The following TMOD1 variants were observed in gnomAD, a reference collection of about 807,000 sequenced individuals.
TMOD1 encodes the protein tropomodulin-1.
Under a neutral mutation model 40.6 loss-of-function variants are expected in TMOD1, and 17 were observed. The observed-to-expected ratio is 0.42, with a 90% CI of 0.29 to 0.63. The LOEUF is 0.63. TMOD1 is among the 20% of genes least tolerant of loss of function. TMOD1 has a pLI of 0.22. For missense variants in TMOD1, 391 were observed against 447.6 expected (o/e 0.87, Z 1.14); for synonymous variants, 181 against 175.0 (o/e 1.03, Z -0.27).
chr9:97,547,498 T>C (rs1432341827), intron 3 of TMOD1, among the ~76,000 whole-genome samples: 4 of 152,236 alleles, frequency 2.6e-5, no homozygotes, highest in African/African-American at 9.6e-5. Context: ...TTTCCTTCTC[T>C]GTAAAACAGG....
chr9:97,592,234 T>C (rs78388774), intron 9 of TMOD1, among the ~76,000 whole-genome samples: 532 of 152,054 alleles, frequency 3.5e-3, no homozygotes, highest in African/African-American at 0.012. Flanking sequence ...TGATATAGCA[T>C]TCAACAAAGG....
At chr9:97,588,574 C>G (rs1025229646) in intron 8 of TMOD1, among the ~76,000 whole-genome samples, 13 of 152,142 alleles carry the variant, frequency 8.5e-5, no homozygotes, top group African/African-American at 2.9e-4. Context: ...TGTTGAAGCA[C>G]AAAAGTTTTA....
intron 1 of TMOD1, among the ~76,000 whole-genome samples, chr9:97,504,225 A>G (rs1829552799): frequency 6.6e-6 from 1 of 152,226 alleles, no homozygotes; most frequent in Non-Finnish European, 1.5e-5. Flanking sequence ...ATTCAGGGCA[A>G]GCCCTCAGCC....
chr9:97,541,759 A>G (rs1830279301), intron 2 of TMOD1, among the ~76,000 whole-genome samples: 1 of 151,982 alleles, frequency 6.6e-6, no homozygotes. Context: ...CAGGTGACCC[A>G]CCCACCTTGG....
intron 1 of TMOD1, among the ~76,000 whole-genome samples, chr9:97,509,374 T>G (rs1476913833): frequency 2.0e-5 from 3 of 152,214 alleles, no homozygotes. Flanking sequence ...CAGTGACAAG[T>G]GGCCAACAGT....
rs577764309 is a variant in TMOD1, at chr9:97,527,353, T to G, written c.120+3045T>G. On this transcript the variant is annotated intron_variant, in intron 2 of 9. Transcript: ENST00000259365. ...ACCAACAGGGCAGCCTGGCTGGGAC[T>G]CTGCCTTTCAGGAGCACAGGCTGGT... Among the ~76,000 whole-genome samples the G allele has an allele frequency of 7.2e-5, 11 of 152,364 alleles. No homozygotes were observed. In the South Asian group the frequency reaches 2.3e-3, roughly 32 times the overall value.
intron 4 of TMOD1, among the ~76,000 whole-genome samples, chr9:97,555,936 A>C (rs1830530188): frequency 6.6e-6 from 1 of 152,150 alleles, no homozygotes; most frequent in African/African-American, 2.4e-5. Context: ...GACACAGAGC[A>C]CAGAGGGTAG....
chr9:97,583,917 G>A (rs1316328890), intron 8 of TMOD1, among the ~76,000 whole-genome samples: 34 of 150,978 alleles, frequency 2.3e-4, no homozygotes, highest in African/African-American at 6.1e-4. Flanking sequence ...TCTTGCTAGC[G>A]GTCTATCAAT....
At chr9:97,526,540 A>G (rs1587921213) in intron 2 of TMOD1, among the ~76,000 whole-genome samples, 1 of 152,342 alleles carries the variant, frequency 6.6e-6, no homozygotes, top group East Asian at 1.9e-4. Flanking sequence ...TCCATGTTAT[A>G]TATTTTTAAT....
chr9:97,544,974 A>G (rs1298364997), intron 2 of TMOD1, among the ~76,000 whole-genome samples: 1 of 149,756 alleles, frequency 6.7e-6, no homozygotes, highest in Non-Finnish European at 1.5e-5. Context: ...GCGCCACTGC[A>G]TTCCAGCCTG....
intron 4 of TMOD1, among the ~76,000 whole-genome samples, chr9:97,555,915 G>A (rs1409126588): frequency 6.6e-6 from 1 of 152,198 alleles, no homozygotes; most frequent in East Asian, 1.9e-4. Context: ...AAGCCCTCCA[G>A]GGTAGGGGAG....
intron 2 of TMOD1, among the ~76,000 whole-genome samples, chr9:97,527,809 G>A (rs988839009): frequency 3.9e-5 from 6 of 152,348 alleles, no homozygotes; most frequent in East Asian, 1.9e-4. Context: ...AGGCGCTCCC[G>A]CGGGGGAATC....
intron 9 of TMOD1, among the ~76,000 whole-genome samples, chr9:97,596,249 C>T (rs1826107661): frequency 6.6e-6 from 1 of 151,834 alleles, no homozygotes; most frequent in South Asian, 2.1e-4. Flanking sequence ...CTCCAACATC[C>T]TCAGGCCCCC....
intron 4 of TMOD1, chr9:97,555,838 G>A: frequency 1.3e-6 from 1 of 797,764 alleles, no homozygotes; most frequent in East Asian, 2.7e-5. Context: ...TTGCCCAAAG[G>A]GTTTAAACCC....
At chr9:97,531,050 C>G (rs909659299) in intron 2 of TMOD1, among the ~76,000 whole-genome samples, 1 of 139,568 alleles carries the variant, frequency 7.2e-6, no homozygotes, top group Non-Finnish European at 1.6e-5. Flanking sequence ...CCCCCCACCA[C>G]CCCTTGGCCT....
At chr9:97,530,329 T>C (rs1830078552) in intron 2 of TMOD1, among the ~76,000 whole-genome samples, 1 of 152,158 alleles carries the variant, frequency 6.6e-6, no homozygotes, top group Non-Finnish European at 1.5e-5. Context: ...GAGAAGATGG[T>C]AGAGATAATT....
intron 3 of TMOD1, among the ~76,000 whole-genome samples, chr9:97,552,301 C>T (rs1482767119): frequency 1.4e-5 from 2 of 147,916 alleles, no homozygotes; most frequent in Admixed American, 6.8e-5. Context: ...TCCCAGGTCA[C>T]AAGCTGTCAT....
At chr9:97,591,755 C>T (rs1320396584) in intron 9 of TMOD1, among the ~76,000 whole-genome samples, 1 of 152,122 alleles carries the variant, frequency 6.6e-6, no homozygotes, top group African/African-American at 2.4e-5. Flanking sequence ...GGAGTATTTT[C>T]CTCTTCTGAA....
chr9:97,522,465 T>C (rs1009459053), intron 1 of TMOD1, among the ~76,000 whole-genome samples: 7 of 152,238 alleles, frequency 4.6e-5, no homozygotes, highest in Admixed American at 4.6e-4. Flanking sequence ...TGACCGTATT[T>C]CCAGGTAAGG....
Sources: allele counts gnomAD v4.1 joint callset (sites outside exome capture counted in the v4.1 genomes callset), GRCh38; gene constraint gnomAD v4.1.1; transcripts MANE v1.5; gene names NCBI Gene and HGNC (gene_info 2026-07-23, HGNC 2026-07-21).